TNKS2: variants seen among roughly 807,000 people sequenced by gnomAD.
TNKS2 encodes the protein tankyrase 2.
Under a neutral mutation model 137.6 loss-of-function variants are expected in TNKS2, and 72 were observed. The observed-to-expected ratio is 0.52, with a 90% CI of 0.43 to 0.64. The LOEUF (loss-of-function observed/expected upper bound fraction) is 0.64. Ranked by LOEUF, TNKS2 falls within the 30% of genes least tolerant of loss-of-function variation. TNKS2 has a pLI of 0.00. For synonymous variants in TNKS2, 516 were observed against 512.1 expected (o/e 1.01, Z -0.10); for missense variants, 1,049 against 1,410.2 (o/e 0.74, Z 4.10).
At position 91,847,719 on chromosome 10, in the gene TNKS2, G is replaced by A. The variant is rs182086708; in HGVS notation, c.2359-664G>A. 9.8e-5 allele frequency among the ~76,000 whole-genome samples: 15 copies of A among 152,302 alleles called. No individual in the cohort carries two copies. The East Asian group carries it at 2.9e-3, about 29-fold the overall frequency. ...CCACCTCCTCTCCAAAAAACTTTCA[G>A]TTTTAAGGAACAAATACATTGCTGA... is the stretch of plus-strand genomic sequence containing the variant. On this transcript the variant is annotated intron_variant, in intron 18 of 26. Transcript: ENST00000371627.
chr10:91,840,735 C>T, intron 14 of TNKS2, 29 bp downstream of exon 14: 1 of 1,575,734 alleles, frequency 6.3e-7, no homozygotes, highest in Admixed American at 1.9e-5. Context: ...TATGGACTCT[C>T]TTCCTTACTT....
intron 2 of TNKS2, 88 bp from the exon 3 acceptor site, chr10:91,817,046 C>A: frequency 1.2e-6 from 1 of 852,514 alleles, no homozygotes; most frequent in Non-Finnish European, 1.9e-6. Context: ...TGAGACTTTG[C>A]TGGACCAGAC....
intron 16 of TNKS2, among the ~76,000 whole-genome samples, chr10:91,844,310 T>C (rs1282182514): frequency 2.6e-5 from 4 of 152,252 alleles, no homozygotes; most frequent in Non-Finnish European, 5.9e-5. Context: ...TAAATTCTTT[T>C]GCTTTAAATC....
chr10:91,832,050 A>G (rs375673659), intron 11 of TNKS2, among the ~76,000 whole-genome samples: 9 of 152,184 alleles, frequency 5.9e-5, no homozygotes, highest in Non-Finnish European at 2.9e-5. Context: ...CCATTCATTC[A>G]AGGAACGATT....
In TNKS2 at chr10:91,841,263, G is replaced by T; in HGVS notation, c.1674-20G>T. 1.3e-6 allele frequency: 2 copies of T among 1,495,264 alleles called. No individual in the cohort carries two copies. The highest frequency in any genetic ancestry group is 1.8e-4 in the Middle Eastern group (1 of 5,564). 92.6% of individuals were successfully genotyped at this position (1,495,264 alleles called of 1,614,324 possible). A position where few individuals can be genotyped will look rare whatever the true frequency, so the allele number is the denominator to read the frequency against. Reference sequence around the variant, plus strand: ...AAACATGTTCTTCTGTGGCATTATTGTTCATTTATTACTTTTCAGAGGCCT... The same window carrying T: ...AAACATGTTCTTCTGTGGCATTATTTTTCATTTATTACTTTTCAGAGGCCT... On this transcript the variant is annotated intron_variant, in intron 14 of 26. Coordinates refer to ENST00000371627, the MANE Select transcript of TNKS2 (RefSeq NM_025235.4).
chr10:91,831,569 T>G (rs914941575), intron 11 of TNKS2, among the ~76,000 whole-genome samples: 1 of 152,210 alleles, frequency 6.6e-6, no homozygotes, highest in African/African-American at 2.4e-5. Context: ...TGTTTTACCC[T>G]CTTATTTCTG....
At chr10:91,836,443 C>G (rs972715112) in intron 12 of TNKS2, 2 of 165,482 alleles carry the variant, frequency 1.2e-5, no homozygotes, top group Non-Finnish European at 2.5e-5. Flanking sequence ...AATTTCAGAC[C>G]TGGAAATGAT....
At chr10:91,839,515 C>G (rs538332645) in intron 13 of TNKS2, among the ~76,000 whole-genome samples, 2 of 152,144 alleles carry the variant, frequency 1.3e-5, no homozygotes, top group African/African-American at 4.8e-5. Flanking sequence ...TGGTCTCAAA[C>G]TCCTGACCTC....
At chr10:91,818,237 C>G (rs1048725781) in intron 3 of TNKS2, among the ~76,000 whole-genome samples, 1 of 149,518 alleles carries the variant, frequency 6.7e-6, no homozygotes, top group Non-Finnish European at 1.5e-5. Flanking sequence ...TGTCATTCAG[C>G]AAATCATATT....
At chr10:91,836,034 ATTTTTTTTT>A (rs777452772) in intron 12 of TNKS2, among the ~76,000 whole-genome samples, 12 of 53,520 alleles carry the variant, frequency 2.2e-4, no homozygotes, top group African/African-American at 9.3e-4. Context: ...TGTGTGTGTA[ATTTTTTTTT>A]TTTTTTTTTT....
Position 91,836,945 on chromosome 10 carries a change from GCAGA to G in TNKS2, c.1481_1484del (p.Arg494AsnfsTer14). The G allele has an allele frequency of 6.2e-7, 1 of 1,613,090 alleles. No individual in the cohort carries two copies. ...GGGTATCTCATTAGGTAATTCAGAG[GCAGA>G]CAGACAATTGCTGGAAGCTGCAAAG... On this transcript the variant is annotated frameshift_variant, in exon 13 of 27. Transcript: ENST00000371627. LOFTEE classifies it high-confidence loss of function.
intron 15 of TNKS2, 58 bp from the exon 16 acceptor site, chr10:91,842,114 T>G: frequency 8.0e-7 from 1 of 1,247,666 alleles, no homozygotes; most frequent in Non-Finnish European, 1.1e-6. Flanking sequence ...TATTTTCTCA[T>G]TGACCAAAGG....
At chr10:91,833,612 A>G (rs192582203) in intron 11 of TNKS2, among the ~76,000 whole-genome samples, 23 of 152,316 alleles carry the variant, frequency 1.5e-4, no homozygotes, top group Admixed American at 2.0e-4. Context: ...CTTTAATGAT[A>G]AACACAATTA....
At position 91,849,564 on chromosome 10, in the gene TNKS2, G is replaced by A. The variant is rs373328045; in HGVS notation, c.2664G>A (p.Glu888=). 5.3e-5 allele frequency: 86 copies of A among 1,611,910 alleles called. No homozygotes were observed. The highest frequency in any genetic ancestry group is 8.4e-5 in the Admixed American group (5 of 59,646). ...AATTCGTAAGGAATCTTGGACTTGAGCACCTAATGGATATATTTGAGAGAG... is the reference window on the plus strand; with the variant it reads ...AATTCGTAAGGAATCTTGGACTTGAACACCTAATGGATATATTTGAGAGAG... ...ITQFVRNLGL[E]HLMDIFEREQ... The change falls in exon 20 of 27, where the codon GAG becomes GAA. Residue 888 remains glutamate, a synonymous_variant. Coordinates refer to ENST00000371627, the MANE Select transcript of TNKS2 (RefSeq NM_025235.4).
At chr10:91,808,032 G>A (rs564596422) in intron 1 of TNKS2, among the ~76,000 whole-genome samples, 1 of 150,110 alleles carries the variant, frequency 6.7e-6, no homozygotes, top group South Asian at 2.1e-4. Flanking sequence ...AAATAAGGCA[G>A]TAATTACAAA....
intron 16 of TNKS2, among the ~76,000 whole-genome samples, chr10:91,843,637 C>T (rs2133657808): frequency 6.6e-6 from 1 of 152,254 alleles, no homozygotes; most frequent in Admixed American, 6.5e-5. Context: ...TTTTCAGCTG[C>T]ATTACAGATG....
chr10:91,836,259 G>A (rs1842016162), intron 12 of TNKS2, among the ~76,000 whole-genome samples: 1 of 151,766 alleles, frequency 6.6e-6, no homozygotes, highest in Non-Finnish European at 1.5e-5. Context: ...TTGATGTACT[G>A]TTCAAAGAAG....
intron 20 of TNKS2, 93 bp from the exon 21 acceptor site, chr10:91,851,123 A>C: frequency 7.0e-7 from 1 of 1,430,964 alleles, no homozygotes; most frequent in East Asian, 2.3e-5. Flanking sequence ...AATCTGGAGT[A>C]AATGTGTGAA....
intron 8 of TNKS2, among the ~76,000 whole-genome samples, chr10:91,827,745 A>G (rs1304167899): frequency 6.6e-6 from 1 of 152,236 alleles, no homozygotes; most frequent in African/African-American, 2.4e-5. Context: ...ATAATAAAGA[A>G]TGATTGGTAG....
Sources: gnomAD v4.1 joint callset for allele counts (sites outside exome capture counted in the v4.1 genomes callset) on GRCh38, gnomAD v4.1.1 for gene constraint, MANE v1.5 for transcripts, NCBI Gene and HGNC (gene_info 2026-07-23, HGNC 2026-07-21) for gene names.